Variants in MSN observed in about 807,000 individuals in gnomAD.
The protein encoded by MSN is moesin.
In MSN, 2 loss-of-function variants were observed where a neutral mutation model predicts 48.0. The ratio of observed to expected loss-of-function variants is 0.04; its 90% CI spans 0.02 to 0.13. The LOEUF is 0.13. Ranked by LOEUF, MSN falls within the 10% of genes least tolerant of loss-of-function variation. MSN has a pLI of 1.00. For missense variants in MSN, 267 were observed against 470.1 expected, an observed-to-expected ratio of 0.57 and a Z score of 3.99; for synonymous variants, 146 against 166.9, an observed-to-expected ratio of 0.87 and a Z score of 0.97.
At chrX:65,721,953 A>G (rs2071521220) in intron 2 of MSN, among the ~76,000 whole-genome samples, 1 of 111,640 alleles carries the variant, frequency 9.0e-6, no homozygotes, top group Non-Finnish European at 1.9e-5. Context: ...ATGGTGGTGC[A>G]TGCCTGTAGT....
chrX:65,733,090 G>T, intron 6 of MSN, 94 bp from the exon 7 acceptor site: 1 of 564,697 alleles, frequency 1.8e-6, no homozygotes, highest in Non-Finnish European at 2.9e-6. Context: ...GAGAGACATA[G>T]AAGCTTGGAG....
At chrX:65,619,660 C>T in intron 1 of MSN, among the ~76,000 whole-genome samples, 1 of 106,588 alleles carries the variant, frequency 9.4e-6, no homozygotes, top group African/African-American at 3.8e-5. Flanking sequence ...TGAATGTCCT[C>T]CCGTAGCTCA....
intron 1 of MSN, among the ~76,000 whole-genome samples, chrX:65,648,347 G>C (rs2070710887): frequency 9.1e-6 from 1 of 109,886 alleles, no homozygotes; most frequent in Non-Finnish European, 1.9e-5. Context: ...GAGGTCAGGA[G>C]TTCAAGACCA....
chrX:65,596,658 C>T (rs1252911746), intron 1 of MSN, among the ~76,000 whole-genome samples: 1 of 100,537 alleles, frequency 9.9e-6, no homozygotes, highest in East Asian at 3.1e-4. Context: ...AGGCAGATAC[C>T]ATTACCTCTT....
chrX:65,658,206 G>A (rs2070795844), intron 1 of MSN, among the ~76,000 whole-genome samples: 1 of 111,519 alleles, frequency 9.0e-6, no homozygotes, highest in African/African-American at 3.3e-5. Context: ...TTTCCTTAGG[G>A]GAGACAACAG....
Position 65,611,349 on chromosome X carries a change from G to T in MSN, c.-22+22737G>T, listed in dbSNP as rs758920551. On this transcript the variant is annotated intron_variant, in intron 1 of 3. Coordinates refer to the MSN transcript ENST00000609672. ...TAATTTTTGTATTTTTAGTAGAGAC[G>T]GAATTTCACCATGTTGCCCAGGCTG... 2.4e-4 allele frequency among the ~76,000 whole-genome samples: 27 copies of T among 110,218 alleles called. 1 individual carries two copies. Among genetic ancestry groups the T allele is most frequent in the African/African-American group, 8.6e-4 (26 of 30,371 alleles).
At chrX:65,677,385 C>T (rs1200275786) in intron 1 of MSN, among the ~76,000 whole-genome samples, 2 of 112,354 alleles carry the variant, frequency 1.8e-5, no homozygotes, top group African/African-American at 6.5e-5. Context: ...AATTCCTTTA[C>T]AAAGAAGAAA....
chrX:65,603,788 T>G (rs772527547), intron 1 of MSN, among the ~76,000 whole-genome samples: 1 of 111,689 alleles, frequency 9.0e-6, no homozygotes, highest in African/African-American at 3.3e-5. Context: ...TCAGTTATGT[T>G]AGCAGGCTCT....
chrX:65,592,331 G>C (rs1313339015), intron 1 of MSN, among the ~76,000 whole-genome samples: 2 of 107,969 alleles, frequency 1.9e-5, no homozygotes, highest in African/African-American at 3.4e-5. Flanking sequence ...GAGTAGCTGG[G>C]ACTACAGGCA....
At chrX:65,703,358 G>A (rs779449854) in intron 1 of MSN, among the ~76,000 whole-genome samples, 17 of 110,610 alleles carry the variant, frequency 1.5e-4, no homozygotes, top group Admixed American at 2.9e-4. Context: ...TATTAGACCC[G>A]TTTTATAGAT....
At chrX:65,677,447 A>G (rs925870538) in intron 1 of MSN, among the ~76,000 whole-genome samples, 1 of 112,414 alleles carries the variant, frequency 8.9e-6, no homozygotes, top group African/African-American at 3.2e-5. Flanking sequence ...ACATGAAAAT[A>G]TCAGCAATAT....
chrX:65,657,457 TG>T (rs200576060), intron 1 of MSN, among the ~76,000 whole-genome samples: 1,742 of 109,659 alleles, frequency 0.016, 46 homozygotes, highest in African/African-American at 0.054. Context: ...GGGGCAGGGC[TG>T]GGGGGGCTGA....
At chrX:65,651,310 T>A (rs2070739690) in intron 1 of MSN, among the ~76,000 whole-genome samples, 1 of 92,135 alleles carries the variant, frequency 1.1e-5, no homozygotes, top group African/African-American at 4.2e-5. Context: ...AGAGTGAGAC[T>A]CTATCTAAAA....
chrX:65,670,060 G>A (rs1002970088), intron 1 of MSN, among the ~76,000 whole-genome samples: 2 of 111,426 alleles, frequency 1.8e-5, no homozygotes, highest in African/African-American at 6.5e-5. Context: ...TCAGATAAAA[G>A]GAAATGAGTA....
upstream of MSN, among the ~76,000 whole-genome samples, chrX:65,665,411 G>A (rs976092437): frequency 8.9e-6 from 1 of 111,983 alleles, no homozygotes; most frequent in Non-Finnish European, 1.9e-5. Flanking sequence ...CATGGAGACT[G>A]TTTGGGCTTT....
chrX:65,695,962 C>A (rs2071234099), intron 1 of MSN, among the ~76,000 whole-genome samples: 1 of 107,665 alleles, frequency 9.3e-6, no homozygotes, highest in Non-Finnish European at 1.9e-5. Flanking sequence ...CATGAGGTTC[C>A]TTTTCCCTTT....
chrX:65,639,164 A>G (rs988833279), intron 1 of MSN, among the ~76,000 whole-genome samples: 2 of 111,424 alleles, frequency 1.8e-5, no homozygotes, highest in Non-Finnish European at 3.8e-5. Flanking sequence ...CTTTTCTGAG[A>G]TGGAGTTTTA....
intron 1 of MSN, among the ~76,000 whole-genome samples, chrX:65,617,444 T>G (rs1306718500): frequency 1.1e-4 from 11 of 103,953 alleles, no homozygotes; most frequent in African/African-American, 4.7e-4. Flanking sequence ...GGAGAGTGTA[T>G]GTGTCCAGGA....
intron 1 of MSN, among the ~76,000 whole-genome samples, chrX:65,680,588 T>C (rs28485330): frequency 0.18 from 19,741 of 110,763 alleles, 4,387 homozygotes; most frequent in African/African-American, 0.62. Flanking sequence ...GTCCCTTTGG[T>C]ACCTCACCCC....
Sources: allele counts gnomAD v4.1 joint callset (sites outside exome capture counted in the v4.1 genomes callset), GRCh38; gene constraint gnomAD v4.1.1; transcripts MANE v1.5; gene names NCBI Gene and HGNC (gene_info 2026-07-23, HGNC 2026-07-21).